The following ZCCHC7 variants were observed in gnomAD, a reference collection of about 807,000 sequenced individuals.
The protein encoded by ZCCHC7 is zinc finger CCHC-type containing 7.
In ZCCHC7, 35 loss-of-function variants were observed where a neutral mutation model predicts 52.0. The ratio of observed to expected loss-of-function variants is 0.67; its 90% CI spans 0.51 to 0.89. The LOEUF is 0.89. Among genes scored for constraint, ZCCHC7 ranks in the 40% least tolerant of loss-of-function variants. The probability of loss-of-function intolerance (pLI) is 0.00; values close to 1 mark genes in which losing one functional copy is unlikely to be tolerated. For synonymous variants in ZCCHC7, 217 were observed against 221.5 expected, an observed-to-expected ratio of 0.98 and a Z score of 0.18; for missense variants, 574 against 649.1, an observed-to-expected ratio of 0.88 and a Z score of 1.26.
chr9:37,198,550 T>C (rs2133143221), intron 2 of ZCCHC7, among the ~76,000 whole-genome samples: 1 of 152,334 alleles, frequency 6.6e-6, no homozygotes, highest in Non-Finnish European at 1.5e-5. Flanking sequence ...TATTTTAGTC[T>C]TCCTCATTTT....
chr9:37,342,998 T>A (rs1250117410), intron 6 of ZCCHC7, among the ~76,000 whole-genome samples: 1 of 152,234 alleles, frequency 6.6e-6, no homozygotes, highest in Non-Finnish European at 1.5e-5. Flanking sequence ...TTTCTTTGAA[T>A]AAGCCAAACA....
chr9:37,246,993 C>G (rs948271117), intron 2 of ZCCHC7, among the ~76,000 whole-genome samples: 3 of 152,186 alleles, frequency 2.0e-5, no homozygotes, highest in Admixed American at 2.0e-4. Context: ...GTATCGTTAA[C>G]TGTACTCACC....
intron 2 of ZCCHC7, among the ~76,000 whole-genome samples, chr9:37,292,041 T>A (rs1053091665): frequency 1.3e-5 from 2 of 152,236 alleles, no homozygotes; most frequent in East Asian, 3.8e-4. Context: ...AAATCTGATA[T>A]GAGTATTTTT....
At chr9:37,122,691 G>C (rs187447730) in intron 1 of ZCCHC7, among the ~76,000 whole-genome samples, 2 of 152,334 alleles carry the variant, frequency 1.3e-5, no homozygotes, top group Non-Finnish European at 2.9e-5. Context: ...TGTAATCCAG[G>C]CACTTTGGGA....
intron 7 of ZCCHC7, among the ~76,000 whole-genome samples, chr9:37,350,351 C>T (rs572858685): frequency 6.6e-6 from 1 of 151,500 alleles, no homozygotes; most frequent in African/African-American, 2.4e-5. Context: ...AGGCTGGTCT[C>T]GAACTGCTGG....
intron 2 of ZCCHC7, among the ~76,000 whole-genome samples, chr9:37,138,744 G>A (rs1390362634): frequency 2.7e-5 from 4 of 150,168 alleles, no homozygotes; most frequent in African/African-American, 9.8e-5. Context: ...AAATTAGATG[G>A]GCAACATTTT....
chr9:37,154,409 A>G (rs944237983), intron 2 of ZCCHC7, among the ~76,000 whole-genome samples: 6 of 152,236 alleles, frequency 3.9e-5, no homozygotes, highest in Non-Finnish European at 7.3e-5. Flanking sequence ...GTAGGCAAGA[A>G]TATTGTATAA....
At chr9:37,167,762 T>C (rs1441833776) in intron 2 of ZCCHC7, among the ~76,000 whole-genome samples, 1 of 152,232 alleles carries the variant, frequency 6.6e-6, no homozygotes, top group East Asian at 1.9e-4. Flanking sequence ...ACAAGAATGT[T>C]TGGGGCTAAC....
At chr9:37,155,777 A>G (rs933837342) in intron 2 of ZCCHC7, among the ~76,000 whole-genome samples, 5 of 152,256 alleles carry the variant, frequency 3.3e-5, no homozygotes, top group African/African-American at 1.2e-4. Context: ...AGTAGTACAG[A>G]TATCTTAGCA....
intron 2 of ZCCHC7, among the ~76,000 whole-genome samples, chr9:37,172,778 A>G (rs1454831397): frequency 6.6e-6 from 1 of 151,020 alleles, no homozygotes; most frequent in Non-Finnish European, 1.5e-5. Flanking sequence ...GCATTGCAAT[A>G]GGGACTTGAG....
intron 2 of ZCCHC7, among the ~76,000 whole-genome samples, chr9:37,178,020 T>A (rs1392769874): frequency 6.6e-6 from 1 of 152,200 alleles, no homozygotes; most frequent in Non-Finnish European, 1.5e-5. Context: ...AAATTTACCA[T>A]ACTAATGTAA....
chr9:37,282,604 CAAA>C (rs60743608), intron 2 of ZCCHC7, among the ~76,000 whole-genome samples: 3 of 52,530 alleles, frequency 5.7e-5, no homozygotes, highest in East Asian at 5.1e-4. Flanking sequence ...GACTCTGTCT[CAAA>C]AAAAAAAAAA....
At chr9:37,200,555 A>G (rs1823579573) in intron 2 of ZCCHC7, among the ~76,000 whole-genome samples, 1 of 152,224 alleles carries the variant, frequency 6.6e-6, no homozygotes, top group Non-Finnish European at 1.5e-5. Context: ...TTAAAGTCCT[A>G]AAATGGGGAA....
chr9:37,169,943 G>T (rs1190301117), intron 2 of ZCCHC7, among the ~76,000 whole-genome samples: 2 of 151,862 alleles, frequency 1.3e-5, no homozygotes, highest in Non-Finnish European at 2.9e-5. Flanking sequence ...TGCATTTGTA[G>T]TCCCAGCTAC....
intron 2 of ZCCHC7, among the ~76,000 whole-genome samples, chr9:37,265,657 G>A (rs1588575358): frequency 6.6e-6 from 1 of 152,070 alleles, no homozygotes; most frequent in Admixed American, 6.6e-5. Flanking sequence ...CTGTCATCTC[G>A]TTGCTTCTCT....
chr9:37,212,484 A>G (rs1824296236), intron 2 of ZCCHC7, among the ~76,000 whole-genome samples: 2 of 152,168 alleles, frequency 1.3e-5, no homozygotes, highest in Admixed American at 1.3e-4. Flanking sequence ...TAAGGGTGTA[A>G]TTGTGAAATA....
rs768829753 is a variant in ZCCHC7, at chr9:37,348,343, G to GTTCTTTCTTTCT, written c.988-1011_988-1010insTTTCTTTCTTTC. ...TCTTTTCAATGACCAAGTGATACCA[G>GTTCTTTCTTTCT]TTCGTTCTTTCTTTCTTTCTTTCTT... is the stretch of plus-strand genomic sequence containing the variant. On this transcript the variant is annotated intron_variant, in intron 6 of 8. Transcript: ENST00000336755. Among the ~76,000 whole-genome samples the GTTCTTTCTTTCT allele has an allele frequency of 6.3e-3, 629 of 100,094 alleles. 9 individuals are homozygous for GTTCTTTCTTTCT. The highest frequency in any genetic ancestry group is 0.019 in the African/African-American group (562 of 30,202). 65.7% of individuals were successfully genotyped at this position (100,094 alleles called of 152,430 possible).
chr9:37,287,924 A>C (rs1283016074), intron 2 of ZCCHC7, among the ~76,000 whole-genome samples: 1 of 151,790 alleles, frequency 6.6e-6, no homozygotes, highest in Non-Finnish European at 1.5e-5. Context: ...ACACAGTGTG[A>C]GTTTAAATGG....
At chr9:37,269,803 C>T (rs993913513) in intron 2 of ZCCHC7, among the ~76,000 whole-genome samples, 16 of 151,992 alleles carry the variant, frequency 1.1e-4, no homozygotes, top group African/African-American at 3.9e-4. Context: ...AAAAACAACT[C>T]CTAGATTTCT....
Sources: gnomAD v4.1 joint callset for allele counts (sites outside exome capture counted in the v4.1 genomes callset) on GRCh38, gnomAD v4.1.1 for gene constraint, MANE v1.5 for transcripts, NCBI Gene and HGNC (gene_info 2026-07-23, HGNC 2026-07-21) for gene names.